STARD13: variants seen among roughly 807,000 people sequenced by gnomAD.
STARD13 encodes the protein stAR-related lipid transfer protein 13.
In STARD13, 62 loss-of-function variants were observed where a neutral mutation model predicts 106.4. The ratio of observed to expected loss-of-function variants is 0.58; its 90% CI spans 0.48 to 0.72. The LOEUF (loss-of-function observed/expected upper bound fraction) is 0.72. Among genes scored for constraint, STARD13 ranks in the 30% least tolerant of loss-of-function variants. The pLI, the probability that STARD13 is intolerant of heterozygous loss-of-function variation, is 0.00. For missense variants in STARD13, 1,387 were observed against 1,424.0 expected (o/e 0.97, Z 0.42); for synonymous variants, 565 against 553.0 (o/e 1.02, Z -0.31).
At chr13:33,470,586 T>C in the STARD13 span, among the ~76,000 whole-genome samples, 1 of 152,194 alleles carries the variant, frequency 6.6e-6, no homozygotes, top group Admixed American at 6.5e-5. Context: ...CCAGCATCTG[T>C]TGTTTCCTGA....
At chr13:33,512,570 T>C in the STARD13 span, among the ~76,000 whole-genome samples, 2 of 152,120 alleles carry the variant, frequency 1.3e-5, no homozygotes, top group Middle Eastern at 6.8e-3. Flanking sequence ...AGAGTTCAAG[T>C]GATTCTCCTG....
chr13:33,656,423 AG>A, the STARD13 span, among the ~76,000 whole-genome samples: 3 of 152,378 alleles, frequency 2.0e-5, no homozygotes, highest in South Asian at 4.1e-4. Flanking sequence ...TCTGTTTCAC[AG>A]ATTTTTTTGT....
rs1443636539 is a variant in STARD13 at position 33,130,497 on chromosome 13, C to G, written c.388-208G>C. Among the ~76,000 whole-genome samples, 1 of 152,146 alleles carries G rather than the reference C, an allele frequency of 6.6e-6. No individual in the cohort carries two copies. Among genetic ancestry groups the G allele is most frequent in the Admixed American group, 6.5e-5 (1 of 15,288 alleles). The stretch of plus-strand genomic sequence containing the variant: ...CCCTTCCTCCCAGTGGCCAGAGGAC[C>G]CTTCTCAACTTGCCAAACTTTCTTC... On this transcript the variant is annotated intron_variant, in intron 4 of 13. Coordinates refer to ENST00000336934, the MANE Select transcript of STARD13 (RefSeq NM_178006.4). This position sits in a 1 kb window ranked among gnomAD's most constrained non-coding sequence, Gnocchi z 4.1.
At chr13:33,343,544 C>T (rs1431624398) in intron 1 of STARD13, among the ~76,000 whole-genome samples, 3 of 126,746 alleles carry the variant, frequency 2.4e-5, no homozygotes, top group African/African-American at 8.9e-5. Context: ...CATCACCGTA[C>T]TCCAGACTGG....
At chr13:33,626,486 C>T in the STARD13 span, among the ~76,000 whole-genome samples, 2 of 152,166 alleles carry the variant, frequency 1.3e-5, no homozygotes, top group African/African-American at 4.8e-5. Context: ...ATCTATCTCT[C>T]TAATCCATCT....
chr13:33,550,680 C>T, the STARD13 span, among the ~76,000 whole-genome samples: 1 of 152,202 alleles, frequency 6.6e-6, no homozygotes, highest in African/African-American at 2.4e-5. Flanking sequence ...TTCAGTTCAT[C>T]GTGATAGATC....
At chr13:33,319,723 C>G (rs188049481) in intron 1 of STARD13, among the ~76,000 whole-genome samples, 164 of 152,176 alleles carry the variant, frequency 1.1e-3, no homozygotes, top group Middle Eastern at 3.4e-3. Context: ...TTAGTGAGGT[C>G]TTGGCAAAAT....
the STARD13 span, among the ~76,000 whole-genome samples, chr13:33,628,472 A>G: frequency 6.6e-6 from 1 of 152,250 alleles, no homozygotes; most frequent in Admixed American, 6.5e-5. Flanking sequence ...TAAGGAACCT[A>G]TTCTAATAGG....
At chr13:33,266,840 T>A (rs975634564) in intron 1 of STARD13, among the ~76,000 whole-genome samples, 1 of 152,222 alleles carries the variant, frequency 6.6e-6, no homozygotes, top group African/African-American at 2.4e-5. Context: ...GCAGTGATCA[T>A]GTTTTATATA....
the STARD13 span, among the ~76,000 whole-genome samples, chr13:33,407,327 G>A: frequency 6.6e-6 from 1 of 152,176 alleles, no homozygotes; most frequent in East Asian, 1.9e-4. Context: ...CAGCATGGAA[G>A]GCCTAGGTGT....
At chr13:33,262,876 G>A (rs2138330685) in intron 1 of STARD13, among the ~76,000 whole-genome samples, 1 of 152,210 alleles carries the variant, frequency 6.6e-6, no homozygotes, top group African/African-American at 2.4e-5. Flanking sequence ...TTAGATGGGT[G>A]TGGTGGATGC....
intron 1 of STARD13, among the ~76,000 whole-genome samples, chr13:33,168,101 C>T (rs1047740626): frequency 2.0e-5 from 3 of 151,168 alleles, no homozygotes; most frequent in Non-Finnish European, 2.9e-5. Context: ...ACTAGATTGC[C>T]TATGAAAATG....
chr13:33,584,521 C>T, the STARD13 span, among the ~76,000 whole-genome samples: 10 of 152,124 alleles, frequency 6.6e-5, no homozygotes, highest in African/African-American at 2.2e-4. Context: ...CATCAGGCCC[C>T]ACCTCTAACA....
chr13:33,542,403 A>G, the STARD13 span, among the ~76,000 whole-genome samples: 3 of 152,366 alleles, frequency 2.0e-5, no homozygotes, highest in East Asian at 5.8e-4. Context: ...CCTGACTCAC[A>G]GCCAGAAACC....
intron 2 of STARD13, among the ~76,000 whole-genome samples, chr13:33,166,993 C>CAAAAAAAAAAA (rs376027158): frequency 1.9e-5 from 2 of 103,466 alleles, no homozygotes; most frequent in Admixed American, 1.1e-4. Flanking sequence ...GACTCTATCT[C>CAAAAAAAAAAA]AAAAAAAAAC....
chr13:33,460,402 A>AACC, the STARD13 span, among the ~76,000 whole-genome samples: 5 of 151,758 alleles, frequency 3.3e-5, no homozygotes, highest in East Asian at 9.7e-4. Flanking sequence ...GAGGCAGGAG[A>AACC]ACCGCTTGAA....
downstream of STARD13, among the ~76,000 whole-genome samples, chr13:33,345,469 T>G (rs1476748044): frequency 6.6e-6 from 1 of 152,206 alleles, no homozygotes; most frequent in Non-Finnish European, 1.5e-5. Context: ...CAGATGGCTT[T>G]TGACTTCTGA....
the STARD13 span, among the ~76,000 whole-genome samples, chr13:33,446,686 G>A: frequency 5.3e-5 from 8 of 152,086 alleles, no homozygotes; most frequent in East Asian, 3.9e-4. Context: ...GTATATTAGC[G>A]TTCATGTATT....
chr13:33,165,129 C>G (rs1215069476), intron 3 of STARD13, among the ~76,000 whole-genome samples: 1 of 152,062 alleles, frequency 6.6e-6, no homozygotes, highest in East Asian at 1.9e-4. Flanking sequence ...AATCTAGTGT[C>G]CAAAGGCCCC....
Sources: allele counts gnomAD v4.1 joint callset (sites outside exome capture counted in the v4.1 genomes callset), GRCh38; gene constraint gnomAD v4.1.1; non-coding constraint Gnocchi (gnomAD v3.1); transcripts MANE v1.5; gene names NCBI Gene and HGNC (gene_info 2026-07-23, HGNC 2026-07-21).